STOX1: variants seen among roughly 807,000 people sequenced by gnomAD.
STOX1 encodes the protein storkhead-box protein 1.
Under a neutral mutation model 74.8 loss-of-function variants are expected in STOX1, and 57 were observed. The ratio of observed to expected loss-of-function variants is 0.76; its 90% CI spans 0.62 to 0.95. STOX1 has a LOEUF of 0.95. Among genes scored for constraint, STOX1 ranks in the 40% least tolerant of loss-of-function variants. The pLI is 0.00. For synonymous variants in STOX1, 375 were observed against 401.3 expected (o/e 0.93, Z 0.78); for missense variants, 1,010 against 1,117.0 (o/e 0.90, Z 1.37).
At chr10:68,867,288 A>G (rs1311834046) in intron 1 of STOX1, among the ~76,000 whole-genome samples, 1 of 152,014 alleles carries the variant, frequency 6.6e-6, no homozygotes, top group African/African-American at 2.4e-5. Context: ...CCTGGTTCAT[A>G]CTGATTGACA....
intron 1 of STOX1, among the ~76,000 whole-genome samples, chr10:68,836,402 G>A (rs1053363334): frequency 6.6e-6 from 1 of 152,136 alleles, no homozygotes; most frequent in African/African-American, 2.4e-5. Context: ...GAAGAGAATG[G>A]GTCTGGATTC....
chr10:68,830,731 C>G (rs1337381264), intron 1 of STOX1, among the ~76,000 whole-genome samples: 1 of 152,122 alleles, frequency 6.6e-6, no homozygotes, highest in Admixed American at 6.6e-5. Context: ...AGTCCTGATA[C>G]AAATTTGAAC....
intron 1 of STOX1, among the ~76,000 whole-genome samples, chr10:68,864,596 TC>T (rs1840356284): frequency 6.6e-6 from 1 of 152,122 alleles, no homozygotes; most frequent in Admixed American, 6.6e-5. Context: ...AAATAAGGAG[TC>T]AAAGTCAGTG....
At chr10:68,840,234 A>T (rs958425538) in intron 1 of STOX1, among the ~76,000 whole-genome samples, 1 of 152,234 alleles carries the variant, frequency 6.6e-6, no homozygotes, top group Non-Finnish European at 1.5e-5. Flanking sequence ...AGAAGAGAAC[A>T]TGGGGAAAAG....
At chr10:68,840,432 G>GT (rs1039350047) in intron 1 of STOX1, among the ~76,000 whole-genome samples, 3 of 151,886 alleles carry the variant, frequency 2.0e-5, no homozygotes, top group East Asian at 1.9e-4. Flanking sequence ...TTTTTGTGGG[G>GT]TTTTTTTGGT....
chr10:68,868,739 C>T (rs1027436541), intron 1 of STOX1, among the ~76,000 whole-genome samples: 5 of 152,154 alleles, frequency 3.3e-5, no homozygotes, highest in African/African-American at 9.7e-5. Context: ...AACTGGTGCC[C>T]TACAGGAGAA....
chr10:68,836,799 G>C (rs1312417375), intron 1 of STOX1, among the ~76,000 whole-genome samples: 2 of 152,196 alleles, frequency 1.3e-5, no homozygotes, highest in African/African-American at 4.8e-5. Context: ...GGCCTCACCT[G>C]GGTCAGCCTC....
chr10:68,828,396 G>A, intron 1 of STOX1: 1 of 755,900 alleles, frequency 1.3e-6, no homozygotes, highest in Non-Finnish European at 1.7e-6. Flanking sequence ...GGGCCCGGGG[G>A]CTGCGGTTGG....
At chr10:68,835,129 C>T (rs1839511793) in intron 1 of STOX1, among the ~76,000 whole-genome samples, 2 of 152,134 alleles carry the variant, frequency 1.3e-5, no homozygotes, top group Non-Finnish European at 2.9e-5. Context: ...GTAGCCTCCA[C>T]CTCCTGGGTT....
chr10:68,884,157 C>T (rs1840876507), intron 2 of STOX1, 103 bp from the exon 3 acceptor site: 1 of 1,030,526 alleles, frequency 9.7e-7, no homozygotes, highest in Non-Finnish European at 1.5e-6. Context: ...ACAATCAGCT[C>T]TGGGTTTATC....
chr10:68,848,545 A>C (rs1839907467), intron 1 of STOX1, among the ~76,000 whole-genome samples: 1 of 152,220 alleles, frequency 6.6e-6, no homozygotes, highest in African/African-American at 2.4e-5. Context: ...GATCTGTGAA[A>C]CAGATGATAA....
chr10:68,852,260 T>C (rs1013062975), intron 1 of STOX1, among the ~76,000 whole-genome samples: 1 of 141,914 alleles, frequency 7.0e-6, no homozygotes, highest in African/African-American at 2.5e-5. Context: ...TTTTTTTTTT[T>C]TTTTTTTTTG....
chr10:68,842,263 G>T (rs1368286467), intron 1 of STOX1, among the ~76,000 whole-genome samples: 1 of 152,154 alleles, frequency 6.6e-6, no homozygotes, highest in East Asian at 1.9e-4. Context: ...AGGTTTCATA[G>T]ATCAGAGGGC....
chr10:68,861,348 C>T (rs1477208513), intron 1 of STOX1, among the ~76,000 whole-genome samples: 2 of 152,154 alleles, frequency 1.3e-5, no homozygotes, highest in African/African-American at 2.4e-5. Flanking sequence ...GCAGCAGGAA[C>T]ATGTCCTTAA....
At chr10:68,888,063 ACACACACACGCGCGCACACACG>A (rs990162356) in intron 3 of STOX1, among the ~76,000 whole-genome samples, 13 of 133,156 alleles carry the variant, frequency 9.8e-5, no homozygotes, top group Non-Finnish European at 1.8e-4. Flanking sequence ...TTATTCTAAC[ACACACACACGCGCGCACACACG>A]CACACACACG....
chr10:68,892,545 G>A, intron 3 of STOX1, 44 bp from the exon 4 acceptor site: 1 of 1,590,414 alleles, frequency 6.3e-7, no homozygotes, highest in Non-Finnish European at 8.6e-7. Context: ...AGAAATTCAA[G>A]TTCCCTTCGA....
chr10:68,832,144 T>A (rs1320837018), intron 1 of STOX1, among the ~76,000 whole-genome samples: 1 of 152,126 alleles, frequency 6.6e-6, no homozygotes, highest in Admixed American at 6.6e-5. Flanking sequence ...GGAGGGAGAC[T>A]GCTGCCTAAC....
Position 68,868,721 on chromosome 10 carries a change from A to G in STOX1, c.311-13237A>G, listed in dbSNP as rs115029046. The stretch of plus-strand genomic sequence containing the variant: ...TCAGAATTGGCCAAGAAATCCATCC[A>G]TGTGCCTAACTGGTGCCCTACAGGA... On this transcript the variant is annotated intron_variant, in intron 1 of 3. Transcript: ENST00000298596. Among the ~76,000 whole-genome samples, 670 of 152,328 alleles carry G rather than the reference A, an allele frequency of 4.4e-3. 9 individuals carry two copies. The highest frequency in any genetic ancestry group is 0.015 in the African/African-American group (636 of 41,580).
intron 1 of STOX1, among the ~76,000 whole-genome samples, chr10:68,855,757 A>C (rs1449914715): frequency 6.6e-6 from 1 of 151,136 alleles, no homozygotes; most frequent in Non-Finnish European, 1.5e-5. Flanking sequence ...AAAAAGGAAA[A>C]AAAAAACAAA....
Sources: allele counts gnomAD v4.1 joint callset (sites outside exome capture counted in the v4.1 genomes callset), GRCh38; gene constraint gnomAD v4.1.1; transcripts MANE v1.5; gene names NCBI Gene and HGNC (gene_info 2026-07-23, HGNC 2026-07-21).